DNAH5: variants seen among roughly 807,000 people sequenced by gnomAD.
DNAH5 encodes dynein axonemal heavy chain 5, also known as axonemal beta dynein heavy chain 5.
A neutral mutation model predicts 518.2 loss-of-function variants in DNAH5; 372 were observed. The ratio of observed to expected loss-of-function variants is 0.72; its 90% CI spans 0.66 to 0.78. The LOEUF (loss-of-function observed/expected upper bound fraction) is 0.78, where lower values mean the gene tolerates loss of function less well. Ranked by LOEUF, DNAH5 falls within the 30% of genes least tolerant of loss-of-function variation. DNAH5 has a pLI of 0.00. For missense variants in DNAH5, 5,523 were observed against 5,687.0 expected, an observed-to-expected ratio of 0.97 and a Z score of 0.93; for synonymous variants, 2,039 against 2,025.9, an observed-to-expected ratio of 1.01 and a Z score of -0.17.
At chr5:13,991,341 A>T (rs984169759) in intron 1 of DNAH5, among the ~76,000 whole-genome samples, 5 of 152,196 alleles carry the variant, frequency 3.3e-5, no homozygotes, top group African/African-American at 1.2e-4. Flanking sequence ...AGGTGGACTA[A>T]GATGGCTGCC....
intron 38 of DNAH5, among the ~76,000 whole-genome samples, chr5:13,828,046 A>G (rs1763131576): frequency 6.6e-6 from 1 of 152,234 alleles, no homozygotes; most frequent in Admixed American, 6.5e-5. Flanking sequence ...GTATGTCTTT[A>G]TTAGCAGCAT....
intron 68 of DNAH5, 73 bp downstream of exon 68, chr5:13,735,058 T>C (rs1377649448): frequency 5.6e-6 from 8 of 1,416,916 alleles, no homozygotes; most frequent in Non-Finnish European, 7.9e-6. Context: ...AACCAAAAAA[T>C]GTACTGCAAA....
intron 1 of DNAH5, among the ~76,000 whole-genome samples, chr5:14,007,584 G>A (rs1784806703): frequency 6.6e-6 from 1 of 152,180 alleles, no homozygotes; most frequent in Non-Finnish European, 1.5e-5. Context: ...TACAATGGCA[G>A]GCTTTCTCTA....
intron 29 of DNAH5, among the ~76,000 whole-genome samples, chr5:13,860,059 T>C (rs577194842): frequency 6.6e-6 from 1 of 152,290 alleles, no homozygotes; most frequent in South Asian, 2.1e-4. Flanking sequence ...ACACCTGGAC[T>C]CTCTCCTTAG....
chr5:13,963,349 G>A (rs147802544), intron 1 of DNAH5, among the ~76,000 whole-genome samples: 247 of 152,180 alleles, frequency 1.6e-3, no homozygotes, highest in African/African-American at 5.6e-3. Flanking sequence ...AGGCCGAGGC[G>A]GGTGGACCAC....
At chr5:13,698,460 G>A (rs1180906823) in intron 78 of DNAH5, among the ~76,000 whole-genome samples, 1 of 152,072 alleles carries the variant, frequency 6.6e-6, no homozygotes, top group Non-Finnish European at 1.5e-5. Flanking sequence ...GCAAGCCTCC[G>A]GTCACAACAT....
intron 52 of DNAH5, among the ~76,000 whole-genome samples, chr5:13,782,783 A>G (rs973271132): frequency 6.6e-6 from 1 of 152,258 alleles, no homozygotes; most frequent in African/African-American, 2.4e-5. Flanking sequence ...AGGAACAGAT[A>G]CATGAACAGA....
chr5:13,774,591 G>C (rs866414493), intron 55 of DNAH5, among the ~76,000 whole-genome samples: 33 of 152,106 alleles, frequency 2.2e-4, no homozygotes, highest in African/African-American at 6.3e-4. Flanking sequence ...GTCTTGTCTT[G>C]AGTCTGTCCA....
In DNAH5 at chr5:13,727,402, A is replaced by G. The variant is rs1745895302; in HGVS notation, c.12033+105T>C. ...CTAGAAAATCACACAGAGGCCTACA[A>G]GAAAATTCTCACTGGAATTCACATT... is the stretch of plus-strand genomic sequence containing the variant. On this transcript the variant is annotated intron_variant, in intron 70 of 78. Transcript: ENST00000265104. 3.4e-6 allele frequency: 4 copies of G among 1,163,228 alleles called. No individual in the cohort carries two copies. The South Asian group carries it at 4.6e-5, about 13-fold the overall frequency. 72.1% of individuals were successfully genotyped at this position (1,163,228 alleles called of 1,614,324 possible). A position where few individuals can be genotyped will look rare whatever the true frequency, so the allele number is the denominator to read the frequency against.
At chr5:14,002,711 A>T (rs1784448077) in intron 1 of DNAH5, among the ~76,000 whole-genome samples, 1 of 152,142 alleles carries the variant, frequency 6.6e-6, no homozygotes, top group Non-Finnish European at 1.5e-5. Context: ...CACTAATGCT[A>T]GAAATTTGCA....
intron 46 of DNAH5, among the ~76,000 whole-genome samples, chr5:13,808,225 C>CAAAAAAAAAAA (rs56686032): frequency 2.3e-5 from 2 of 86,336 alleles, no homozygotes; most frequent in African/African-American, 9.4e-5. Flanking sequence ...GACTCCATCT[C>CAAAAAAAAAAA]AAAAAAAAAA....
intron 65 of DNAH5, among the ~76,000 whole-genome samples, chr5:13,749,627 CA>C (rs1240920435): frequency 6.6e-6 from 1 of 152,036 alleles, no homozygotes; most frequent in African/African-American, 2.4e-5. Flanking sequence ...ATAAGAAAAC[CA>C]AGGACAAGAA....
At chr5:13,965,610 C>A (rs181262222) in intron 1 of DNAH5, among the ~76,000 whole-genome samples, 2 of 152,260 alleles carry the variant, frequency 1.3e-5, no homozygotes, top group South Asian at 2.1e-4. Context: ...ATTAATCTGA[C>A]AGTTATTCAG....
At position 13,780,740 on chromosome 5, in the gene DNAH5, T is replaced by G. The variant is rs1056857864; in HGVS notation, c.8951+89A>C. 4.3e-6 allele frequency: 6 copies of G among 1,411,234 alleles called. No homozygotes were observed. The African/African-American group carries it at 5.7e-5, about 13-fold the overall frequency. The allele number at this position is 1,411,234 out of a possible 1,614,324, so 87.4% of individuals were successfully genotyped here. On this transcript the variant is annotated intron_variant, in intron 53 of 78. Coordinates refer to ENST00000265104, the MANE Select transcript of DNAH5 (RefSeq NM_001369.3). Reference sequence around the variant, plus strand: ...AGGAAAATGACTGTGACTCTTTATATGTAAGAGAAATGCATTTGAACTTCA... The same window carrying G: ...AGGAAAATGACTGTGACTCTTTATAGGTAAGAGAAATGCATTTGAACTTCA...
intron 19 of DNAH5, 80 bp downstream of exon 19, chr5:13,884,909 C>T (rs1580739046): frequency 1.9e-6 from 3 of 1,565,626 alleles, no homozygotes; most frequent in East Asian, 2.4e-5. Flanking sequence ...TGCACGTGCA[C>T]ACGTGCACAC....
At chr5:13,970,195 G>A (rs537593121) in intron 1 of DNAH5, among the ~76,000 whole-genome samples, 17 of 152,240 alleles carry the variant, frequency 1.1e-4, no homozygotes, top group Admixed American at 3.3e-4. Flanking sequence ...TTATGTGTTG[G>A]TGAGTCTCTT....
intron 1 of DNAH5, among the ~76,000 whole-genome samples, chr5:13,995,516 G>T (rs185601760): frequency 6.6e-5 from 10 of 152,094 alleles, no homozygotes; most frequent in Admixed American, 3.3e-4. Context: ...TTAAGAAAGA[G>T]AATTAGAAAA....
chr5:13,935,699 A>T (rs1191725827), intron 1 of DNAH5, among the ~76,000 whole-genome samples: 1 of 152,208 alleles, frequency 6.6e-6, no homozygotes, highest in African/African-American at 2.4e-5. Context: ...TTTAGCAATT[A>T]GAACAGTGCA....
chr5:13,734,394 G>T (rs770458124), intron 68 of DNAH5, among the ~76,000 whole-genome samples: 6 of 152,290 alleles, frequency 3.9e-5, no homozygotes, highest in Non-Finnish European at 8.8e-5. Context: ...AGACATTCAA[G>T]AATGTGATAG....
Sources: allele counts gnomAD v4.1 joint callset (sites outside exome capture counted in the v4.1 genomes callset), GRCh38; gene constraint gnomAD v4.1.1; transcripts MANE v1.5; gene names NCBI Gene and HGNC (gene_info 2026-07-23, HGNC 2026-07-21).